SPAG16: variants seen among roughly 807,000 people sequenced by gnomAD.
SPAG16 encodes the protein sperm associated antigen 16.
A neutral mutation model predicts 80.4 loss-of-function variants in SPAG16; 86 were observed. The observed-to-expected ratio is 1.07, with a 90% CI of 0.90 to 1.28. SPAG16 has a LOEUF of 1.28. Ranked by LOEUF, SPAG16 falls within the 50% of genes most tolerant of loss-of-function variation. The probability of loss-of-function intolerance (pLI) is 0.00; values close to 1 mark genes in which losing one functional copy is unlikely to be tolerated. For synonymous variants in SPAG16, 294 were observed against 265.9 expected (o/e 1.11, Z -1.03); for missense variants, 870 against 765.3 (o/e 1.14, Z -1.61).
intron 9 of SPAG16, among the ~76,000 whole-genome samples, chr2:213,481,025 G>A (rs995095344): frequency 3.3e-5 from 5 of 152,184 alleles, no homozygotes; most frequent in South Asian, 2.1e-4. Flanking sequence ...TTGGAAGCCC[G>A]CCAACTAAAG....
At chr2:213,621,774 G>T (rs1473590505) in intron 10 of SPAG16, among the ~76,000 whole-genome samples, 1 of 152,168 alleles carries the variant, frequency 6.6e-6, no homozygotes, top group Non-Finnish European at 1.5e-5. Context: ...TATTTGAAAG[G>T]TTTGATATAT....
In SPAG16 at chr2:214,233,626, A is replaced by AT. The variant is rs1375829758; in HGVS notation, c.1720+84361dup. 2.6e-5 allele frequency among the ~76,000 whole-genome samples: 4 copies of AT among 152,224 alleles called. No homozygotes were observed. The Middle Eastern group carries it at 0.01, about 388-fold the overall frequency. ...GACACATTCTGTGTATATCATGGAA[A>AT]TGATCACTTCAATTCTTTGTGCATC... On this transcript the variant is annotated intron_variant, in intron 15 of 15. Coordinates refer to ENST00000331683, the MANE Select transcript of SPAG16 (RefSeq NM_024532.5).
intron 14 of SPAG16, among the ~76,000 whole-genome samples, chr2:214,143,575 A>C (rs895199517): frequency 3.3e-5 from 5 of 152,134 alleles, no homozygotes; most frequent in Admixed American, 6.6e-5. Context: ...TCACAAAAAC[A>C]TTTTTTTCTG....
At chr2:213,659,661 A>G (rs546678036) in intron 10 of SPAG16, among the ~76,000 whole-genome samples, 3 of 152,316 alleles carry the variant, frequency 2.0e-5, no homozygotes, top group Non-Finnish European at 2.9e-5. Flanking sequence ...CTTTTTAAAC[A>G]CATTTAAGCA....
intron 9 of SPAG16, among the ~76,000 whole-genome samples, chr2:213,405,691 CT>C (rs903134195): frequency 6.6e-6 from 1 of 152,144 alleles, no homozygotes; most frequent in African/African-American, 2.4e-5. Context: ...ATGAGGCCAA[CT>C]TTTTTAGCTC....
At chr2:213,588,242 T>C (rs1488918062) in intron 10 of SPAG16, among the ~76,000 whole-genome samples, 2 of 152,144 alleles carry the variant, frequency 1.3e-5, no homozygotes, top group African/African-American at 4.8e-5. Flanking sequence ...TTTCAGTTCA[T>C]TTCCTCCTTT....
At chr2:214,069,721 A>G (rs1387051517) in intron 13 of SPAG16, among the ~76,000 whole-genome samples, 1 of 151,890 alleles carries the variant, frequency 6.6e-6, no homozygotes, top group Non-Finnish European at 1.5e-5. Flanking sequence ...TGTTGTTTTT[A>G]AGCCCTCAGT....
intron 5 of SPAG16, chr2:213,317,653 T>A: frequency 9.8e-7 from 1 of 1,024,248 alleles, no homozygotes; most frequent in Non-Finnish European, 1.2e-6. Context: ...TATAACATTT[T>A]CTCCTGTAAA....
intron 10 of SPAG16, among the ~76,000 whole-genome samples, chr2:213,507,519 G>A (rs1007157278): frequency 2.0e-5 from 3 of 152,214 alleles, no homozygotes; most frequent in Admixed American, 2.0e-4. Flanking sequence ...GATTTCTGGA[G>A]CATGGTATGT....
chr2:213,716,246 C>T (rs183697221), intron 10 of SPAG16, among the ~76,000 whole-genome samples: 225 of 152,096 alleles, frequency 1.5e-3, no homozygotes, highest in Non-Finnish European at 2.7e-3. Context: ...ACTCTTCATA[C>T]GAAAATAGAG....
intron 8 of SPAG16, 142 bp from the exon 9 acceptor site, chr2:213,374,868 G>T: frequency 3.4e-6 from 2 of 594,664 alleles, no homozygotes; most frequent in Non-Finnish European, 5.9e-6. Context: ...TAAAGCATTT[G>T]GTATGGTTTG....
At chr2:213,931,564 T>G (rs1174416881) in intron 12 of SPAG16, among the ~76,000 whole-genome samples, 1 of 152,190 alleles carries the variant, frequency 6.6e-6, no homozygotes, top group Non-Finnish European at 1.5e-5. Flanking sequence ...AGTGATCTTT[T>G]CTAAAATGTA....
chr2:213,810,609 T>C (rs1451517715), intron 10 of SPAG16, among the ~76,000 whole-genome samples: 2 of 151,966 alleles, frequency 1.3e-5, no homozygotes, highest in Non-Finnish European at 1.5e-5. Flanking sequence ...TTTGAAGATA[T>C]AGAGGACAAT....
At chr2:213,815,063 C>T (rs572239581) in intron 10 of SPAG16, among the ~76,000 whole-genome samples, 58 of 152,088 alleles carry the variant, frequency 3.8e-4, no homozygotes, top group African/African-American at 1.3e-3. Context: ...CCAACTTAAC[C>T]TAATTAGCAT....
At chr2:213,536,049 G>T (rs754391633) in intron 10 of SPAG16, among the ~76,000 whole-genome samples, 2 of 152,028 alleles carry the variant, frequency 1.3e-5, no homozygotes, top group African/African-American at 4.8e-5. Flanking sequence ...GAGTGTGTGT[G>T]CACGTTTGTA....
intron 11 of SPAG16, among the ~76,000 whole-genome samples, chr2:213,901,883 G>A (rs10185916): frequency 0.58 from 88,813 of 151,840 alleles, 27,786 homozygotes; most frequent in South Asian, 0.84. Flanking sequence ...TGAATAGAGT[G>A]GCTTTCTTGT....
chr2:213,536,436 G>A (rs1237580141), intron 10 of SPAG16, among the ~76,000 whole-genome samples: 1 of 152,146 alleles, frequency 6.6e-6, no homozygotes, highest in African/African-American at 2.4e-5. Flanking sequence ...GTAGTTTACT[G>A]TCCCACCAAC....
chr2:214,376,399 A>G (rs748660214), intron 15 of SPAG16, among the ~76,000 whole-genome samples: 9 of 152,192 alleles, frequency 5.9e-5, no homozygotes, highest in Non-Finnish European at 1.2e-4. Flanking sequence ...TTTTAAATAT[A>G]CTGTGCAAAA....
At chr2:213,550,892 T>C (rs924611477) in intron 10 of SPAG16, among the ~76,000 whole-genome samples, 3 of 152,136 alleles carry the variant, frequency 2.0e-5, no homozygotes, top group African/African-American at 7.2e-5. Context: ...TTATGAATTA[T>C]ACTTTTATGC....
Sources: gnomAD v4.1 joint callset for allele counts (sites outside exome capture counted in the v4.1 genomes callset) on GRCh38, gnomAD v4.1.1 for gene constraint, MANE v1.5 for transcripts, NCBI Gene and HGNC (gene_info 2026-07-23, HGNC 2026-07-21) for gene names.